The following ANKHD1 variants were observed in gnomAD, a reference collection of about 807,000 sequenced individuals.
ANKHD1 encodes ankyrin repeat and KH domain-containing protein 1.
A neutral mutation model predicts 230.5 loss-of-function variants in ANKHD1; 31 were observed. The observed-to-expected ratio is 0.13, with a 90% CI of 0.10 to 0.18. ANKHD1 has a LOEUF of 0.18. Among genes scored for constraint, ANKHD1 ranks in the 10% least tolerant of loss-of-function variants. The pLI is 1.00. For synonymous variants in ANKHD1, 1,074 were observed against 1,117.6 expected, an observed-to-expected ratio of 0.96 and a Z score of 0.78; for missense variants, 2,256 against 3,071.3, an observed-to-expected ratio of 0.73 and a Z score of 6.27.
At chr5:140,450,048 CAT>C (rs1189001477) in intron 7 of ANKHD1, among the ~76,000 whole-genome samples, 1 of 152,080 alleles carries the variant, frequency 6.6e-6, no homozygotes, top group African/African-American at 2.4e-5. Flanking sequence ...TCTGTAAGCA[CAT>C]ATATATCATG....
chr5:140,427,578 G>A (rs1484840067), intron 1 of ANKHD1, among the ~76,000 whole-genome samples: 1 of 145,682 alleles, frequency 6.9e-6, no homozygotes, highest in African/African-American at 2.5e-5. Flanking sequence ...TGCGGACGGG[G>A]CGGCTGGCCG....
At chr5:140,430,462 T>C (rs1018060174) in intron 1 of ANKHD1, among the ~76,000 whole-genome samples, 1 of 152,152 alleles carries the variant, frequency 6.6e-6, no homozygotes, top group Non-Finnish European at 1.5e-5. Flanking sequence ...TGTAAGAAAG[T>C]ATAAGGCTTT....
At chr5:140,419,788 T>TTCTCTCTTTCTC (rs760958601) in intron 1 of ANKHD1, among the ~76,000 whole-genome samples, 7 of 87,964 alleles carry the variant, frequency 8.0e-5, no homozygotes, top group Non-Finnish European at 1.5e-4. Context: ...CTTTCTTTCT[T>TTCTCTCTTTCTC]TCTTTCTTTC....
chr5:140,458,965 T>TATATATATATATATGC (rs773369317), intron 8 of ANKHD1, 103 bp downstream of exon 8: 1 of 26,172 alleles, frequency 3.8e-5, no homozygotes, highest in Non-Finnish European at 7.3e-5. Context: ...TATATATATA[T>TATATATATATATATGC]ATATATATAT....
chr5:140,459,680 G>C (rs1775562701), intron 9 of ANKHD1, among the ~76,000 whole-genome samples: 1 of 151,976 alleles, frequency 6.6e-6, no homozygotes, highest in South Asian at 2.1e-4. Flanking sequence ...ATGTTAATTA[G>C]CTTGATCTAA....
At chr5:140,489,602 CTG>C (rs1222053445) in intron 14 of ANKHD1, among the ~76,000 whole-genome samples, 1 of 152,144 alleles carries the variant, frequency 6.6e-6, no homozygotes, top group Non-Finnish European at 1.5e-5. Context: ...TGTAAATACT[CTG>C]AGATGTTTAG....
rs67081504 is a variant in ANKHD1 at position 140,473,026 on chromosome 5, C to CTTT, written c.1782+8265_1782+8267dup. ...CAAATAACTTAGGCCATCTAAGTTT[C>CTTT]TTTTTTTTTTTTTTTTTGAGACAGA... On this transcript the variant is annotated intron_variant, in intron 10 of 33. Transcript: ENST00000360839. 9.0e-4 allele frequency among the ~76,000 whole-genome samples: 118 copies of CTTT among 131,134 alleles called. 1 individual carries two copies. The highest frequency in any genetic ancestry group is 3.1e-3 in the African/African-American group (113 of 36,106). 86.0% of individuals were successfully genotyped at this position (131,134 alleles called of 152,430 possible).
In ANKHD1 at chr5:140,498,422, A is replaced by T. The variant is rs1752130127; in HGVS notation, c.3004+1144A>T. On this transcript the variant is annotated intron_variant, in intron 15 of 33. Transcript: ENST00000360839. ...CATGTGTTTGACTTCCAATGGTTAT[A>T]GAATTGTGATATTGCCTTTGAGGCT... is the stretch of plus-strand genomic sequence containing the variant. Among the ~76,000 whole-genome samples the T allele has an allele frequency of 2.0e-5, 3 of 152,338 alleles. No individual in the cohort carries two copies. The South Asian group carries it at 6.2e-4, about 32-fold the overall frequency.
intron 7 of ANKHD1, among the ~76,000 whole-genome samples, chr5:140,457,598 A>G (rs1185692963): frequency 1.3e-5 from 2 of 152,160 alleles, no homozygotes; most frequent in Admixed American, 6.6e-5. Flanking sequence ...GCAAACTATC[A>G]CAAGAACAAA....
chr5:140,406,668 G>C (rs1262392193), intron 1 of ANKHD1, among the ~76,000 whole-genome samples: 1 of 151,310 alleles, frequency 6.6e-6, no homozygotes, highest in Non-Finnish European at 1.5e-5. Flanking sequence ...CCTCAGTAGT[G>C]AGATTACAAG....
intron 1 of ANKHD1, among the ~76,000 whole-genome samples, chr5:140,406,779 G>T (rs1170473482): frequency 6.6e-6 from 1 of 151,966 alleles, no homozygotes; most frequent in African/African-American, 2.4e-5. Context: ...CAGGTGATCT[G>T]CTCGCCTAGG....
At chr5:140,416,651 T>A (rs576325984) in intron 1 of ANKHD1, among the ~76,000 whole-genome samples, 19 of 152,212 alleles carry the variant, frequency 1.2e-4, no homozygotes, top group African/African-American at 4.6e-4. Flanking sequence ...TTCTTTTTTT[T>A]AATTTTAATT....
Position 140,525,989 on chromosome 5 carries a change from A to G in ANKHD1, c.4493-7A>G. 1 of 1,557,996 alleles carries G rather than the reference A, an allele frequency of 6.4e-7. No individual in the cohort carries two copies. Among genetic ancestry groups the G allele is most frequent in the South Asian group, 1.2e-5 (1 of 82,244 alleles). On this transcript the variant is annotated splice_region_variant and splice_polypyrimidine_tract_variant and intron_variant, in intron 25 of 33. Coordinates refer to ENST00000360839, the MANE Select transcript of ANKHD1 (RefSeq NM_017747.3). ...AGTATGATTTTTATTCTTTTTAACA[A>G]TTTCAGTGGAGCAAGAAGTTCCCAT... is the stretch of plus-strand genomic sequence containing the variant.
chr5:140,484,977 GA>G (rs1018713792), intron 11 of ANKHD1, 143 bp from the exon 12 acceptor site: 2 of 1,302,850 alleles, frequency 1.5e-6, no homozygotes, highest in South Asian at 1.8e-5. Context: ...TTCATTTTGT[GA>G]AAAAAATTCA....
chr5:140,466,065 G>A (rs559683453), intron 10 of ANKHD1, among the ~76,000 whole-genome samples: 172 of 152,258 alleles, frequency 1.1e-3, no homozygotes, highest in Non-Finnish European at 1.8e-3. Flanking sequence ...CTACAACAAA[G>A]TCACTGTCTT....
At chr5:140,402,443 T>A (rs1163573962) in intron 1 of ANKHD1, among the ~76,000 whole-genome samples, 170 bp downstream of exon 1, 1 of 152,224 alleles carries the variant, frequency 6.6e-6, no homozygotes, top group Non-Finnish European at 1.5e-5. Context: ...CTCGGCTTAC[T>A]CTTTAGCTCG....
intron 1 of ANKHD1, among the ~76,000 whole-genome samples, chr5:140,404,487 C>T (rs997668396): frequency 2.0e-5 from 3 of 151,470 alleles, no homozygotes; most frequent in East Asian, 1.9e-4. Context: ...GGCTGGAGTG[C>T]GGTGGCTCGA....
intron 10 of ANKHD1, among the ~76,000 whole-genome samples, chr5:140,478,887 G>A (rs1188069600): frequency 2.6e-5 from 4 of 151,958 alleles, no homozygotes; most frequent in East Asian, 1.9e-4. Context: ...CAGGTGATCC[G>A]CCTGCCTCGG....
Position 140,485,824 on chromosome 5 carries a change from T to C in ANKHD1, c.2142+92T>C. 6.5e-7 allele frequency: 1 copy of C among 1,528,970 alleles called. No individual in the cohort carries two copies. Among genetic ancestry groups the C allele is most frequent in the Non-Finnish European group, 8.8e-7 (1 of 1,133,912 alleles). The allele number at this position is 1,528,970 out of a possible 1,614,324, so 94.7% of individuals were successfully genotyped here. A position where few individuals can be genotyped will look rare whatever the true frequency, so the allele number is the denominator to read the frequency against. The stretch of plus-strand genomic sequence containing the variant: ...AAATCAGTTTTAAGCAAAATGGACT[T>C]GTTTTTATTCTCTGTTACATATTGA... On this transcript the variant is annotated intron_variant, in intron 13 of 33. Transcript: ENST00000360839. The surrounding 1 kb of genome is among the most constrained non-coding windows in gnomAD (Gnocchi z 4.8).
Sources: gnomAD v4.1 joint callset for allele counts (sites outside exome capture counted in the v4.1 genomes callset) on GRCh38, gnomAD v4.1.1 for gene constraint, Gnocchi (gnomAD v3.1) non-coding constraint, MANE v1.5 for transcripts, NCBI Gene and HGNC (gene_info 2026-07-23, HGNC 2026-07-21) for gene names.